The following GRIK3 variants were observed in gnomAD, a reference collection of about 807,000 sequenced individuals.
The protein encoded by GRIK3 is glutamate ionotropic receptor kainate type subunit 3, also known as glutamate receptor ionotropic, kainate 3.
A neutral mutation model predicts 102.5 loss-of-function variants in GRIK3; 29 were observed. The observed-to-expected ratio is 0.28, with a 90% CI of 0.21 to 0.39. GRIK3 has a LOEUF of 0.39. GRIK3 is among the 10% of genes least tolerant of loss of function. The probability of loss-of-function intolerance (pLI) is 1.00; values close to 1 mark genes in which losing one functional copy is unlikely to be tolerated. For missense variants in GRIK3, 908 were observed against 1,252.4 expected, an observed-to-expected ratio of 0.73 and a Z score of 4.15; for synonymous variants, 511 against 504.9, an observed-to-expected ratio of 1.01 and a Z score of -0.16.
At position 36,806,213 on chromosome 1, in the gene GRIK3, C is replaced by T. The variant is rs115178289; in HGVS notation, c.2205G>A (p.Ala735=). The T allele has an allele frequency of 6.3e-5, 101 of 1,613,996 alleles. No homozygotes were observed. The highest frequency in any genetic ancestry group is 7.7e-5 in the Non-Finnish European group (91 of 1,179,958). ...GIQRALTADY[A]LLMESTTIEY... Reference sequence around the variant, plus strand: ...CGATGGTGGTGGACTCCATGAGCAGCGCGTAGTCGGCCGTCAGGGCCCTCT... The same window carrying T: ...CGATGGTGGTGGACTCCATGAGCAGTGCGTAGTCGGCCGTCAGGGCCCTCT... Residue 735 remains alanine (A), a synonymous_variant, in exon 14 of 16, where the codon GCG becomes GCA. Coordinates refer to ENST00000373091, the MANE Select transcript of GRIK3 (RefSeq NM_000831.4). This position sits in a 1 kb window ranked among gnomAD's most constrained non-coding sequence, Gnocchi z 4.0.
intron 5 of GRIK3, among the ~76,000 whole-genome samples, chr1:36,861,788 C>A (rs1010022573): frequency 1.3e-5 from 2 of 152,114 alleles, no homozygotes; most frequent in Admixed American, 6.5e-5. Flanking sequence ...AGTCTGGTCC[C>A]AAGCTTGCCC....
chr1:36,818,836 C>G (rs1421466378), intron 12 of GRIK3, among the ~76,000 whole-genome samples: 1 of 152,226 alleles, frequency 6.6e-6, no homozygotes, highest in Non-Finnish European at 1.5e-5. Flanking sequence ...CCTGCCTGCC[C>G]CCTAAGCAGG....
At chr1:36,958,900 CTTGTGACT>C (rs1641961490) in intron 1 of GRIK3, among the ~76,000 whole-genome samples, 7 of 117,774 alleles carry the variant, frequency 5.9e-5, no homozygotes, top group African/African-American at 8.9e-5. Context: ...GAGTCTGTGC[CTTGTGACT>C]CTGTGCCCCA....
intron 9 of GRIK3, among the ~76,000 whole-genome samples, chr1:36,848,372 T>C (rs1054652285): frequency 6.6e-6 from 1 of 152,196 alleles, no homozygotes; most frequent in Non-Finnish European, 1.5e-5. Context: ...TTTTTAATCT[T>C]GCCTTGTGAA....
intron 8 of GRIK3, among the ~76,000 whole-genome samples, chr1:36,851,392 G>A (rs373044303): frequency 2.0e-5 from 3 of 152,190 alleles, no homozygotes; most frequent in South Asian, 2.1e-4. Flanking sequence ...CTCTCAGGGC[G>A]GGATCCCTGC....
chr1:36,838,519 G>A (rs942028581), intron 10 of GRIK3, among the ~76,000 whole-genome samples: 12 of 152,262 alleles, frequency 7.9e-5, no homozygotes, highest in African/African-American at 2.6e-4. Context: ...TGCGGCAGGC[G>A]AGTGTGTCAG....
intron 5 of GRIK3, among the ~76,000 whole-genome samples, chr1:36,862,495 T>C (rs1186251558): frequency 6.6e-6 from 1 of 152,202 alleles, no homozygotes; most frequent in Non-Finnish European, 1.5e-5. Context: ...TAGTCTGTGG[T>C]GGAGCCTGGA....
chr1:36,952,250 C>T (rs189387362), intron 1 of GRIK3, among the ~76,000 whole-genome samples: 499 of 152,320 alleles, frequency 3.3e-3, no homozygotes, highest in African/African-American at 7.6e-3. Flanking sequence ...TCCTCAGGGC[C>T]CACGATGTCC....
intron 1 of GRIK3, among the ~76,000 whole-genome samples, chr1:36,931,318 G>A (rs1641585886): frequency 1.3e-5 from 2 of 152,240 alleles, no homozygotes; most frequent in South Asian, 4.1e-4. Context: ...AGCCTCCCCT[G>A]GAGAGAGGCA....
At chr1:36,867,899 C>A (rs562940785) in intron 5 of GRIK3, among the ~76,000 whole-genome samples, 1 of 152,084 alleles carries the variant, frequency 6.6e-6, no homozygotes, top group African/African-American at 2.4e-5. Flanking sequence ...GGTGGGGGGT[C>A]GTTGAGTTGG....
At position 36,859,917 on chromosome 1, in the gene GRIK3, A is replaced by C; in HGVS notation, c.887T>G (p.Val296Gly). 6.2e-7 allele frequency: 1 copy of C among 1,614,006 alleles called. No homozygotes were observed. Among genetic ancestry groups the C allele is most frequent in the Non-Finnish European group, 8.5e-7 (1 of 1,179,850 alleles). ...CAGCCGCTCCATGGACCACTTCTCC[A>C]CAATGGCCGAGACGTGTGGGTTGTC... is the stretch of plus-strand genomic sequence containing the variant. ...NVDNPHVSAIVEKWSMERLQA... is the reference protein window; with the variant it reads ...NVDNPHVSAIGEKWSMERLQA... Residue 296 changes from valine to glycine, a missense_variant, in exon 6 of 16, where the codon GTG (valine) becomes GGG (glycine). Val to Gly is a moderately radical substitution (Grantham distance 109). Around this residue, in one of 3 missense-constraint regions of GRIK3, gnomAD observed 585 missense variants for 824.9 expected, o/e 0.71. Transcript: ENST00000373091.
chr1:36,854,240 A>G (rs972829139), intron 7 of GRIK3, among the ~76,000 whole-genome samples: 1 of 152,092 alleles, frequency 6.6e-6, no homozygotes, highest in Admixed American at 6.5e-5. Context: ...GCTGGGTCCA[A>G]CCACAATTAG....
At chr1:36,888,567 G>T (rs1461996388) in intron 2 of GRIK3, among the ~76,000 whole-genome samples, 1 of 151,990 alleles carries the variant, frequency 6.6e-6, no homozygotes, top group East Asian at 1.9e-4. Context: ...TCCCAGTATG[G>T]CACCTGTTGC....
chr1:36,926,000 A>G (rs1273589109), intron 1 of GRIK3, among the ~76,000 whole-genome samples: 1 of 152,170 alleles, frequency 6.6e-6, no homozygotes. Context: ...TCAACGCCTC[A>G]CTAATTTTCA....
chr1:37,005,095 C>T (rs1642518054), intron 1 of GRIK3, among the ~76,000 whole-genome samples: 1 of 152,222 alleles, frequency 6.6e-6, no homozygotes, highest in African/African-American at 2.4e-5. Context: ...CTATTTTCAC[C>T]TGCTGAACTT....
At chr1:36,868,344 C>T (rs1229189097) in intron 5 of GRIK3, among the ~76,000 whole-genome samples, 1 of 152,206 alleles carries the variant, frequency 6.6e-6, no homozygotes, top group Admixed American at 6.5e-5. Flanking sequence ...GCTGGCTTCA[C>T]TCTGCCTGAT....
At chr1:36,990,034 C>T (rs1255632837) in intron 1 of GRIK3, among the ~76,000 whole-genome samples, 1 of 152,146 alleles carries the variant, frequency 6.6e-6, no homozygotes, top group Non-Finnish European at 1.5e-5. Flanking sequence ...CAGCAGGGAT[C>T]AAGTGGGGCG....
chr1:36,959,333 CGG>C (rs1641970403), intron 1 of GRIK3, among the ~76,000 whole-genome samples: 3 of 129,256 alleles, frequency 2.3e-5, no homozygotes, highest in Admixed American at 7.7e-5. Context: ...TCTGTGTGCC[CGG>C]TGAGCCTGTG....
intron 15 of GRIK3, chr1:36,804,661 T>G: frequency 2.1e-6 from 1 of 466,570 alleles, no homozygotes; most frequent in South Asian, 5.2e-5. Flanking sequence ...TGATATGGTT[T>G]GAATTAAGTT....
Sources: allele counts gnomAD v4.1 joint callset (sites outside exome capture counted in the v4.1 genomes callset), GRCh38; gene constraint gnomAD v4.1.1; regional missense constraint gnomAD v4.1.1; non-coding constraint Gnocchi (gnomAD v3.1); transcripts MANE v1.5; gene names NCBI Gene and HGNC (gene_info 2026-07-23, HGNC 2026-07-21).